ELOC: variants seen among roughly 807,000 people sequenced by gnomAD.
ELOC encodes the protein elongin-C.
For synonymous variants in ELOC, 40 were observed against 51.3 expected (o/e 0.78, Z 0.94); for missense variants, 38 against 139.0 (o/e 0.27, Z 3.65).
At chr8:73,968,675 A>G (rs1815156997) in intron 1 of ELOC, among the ~76,000 whole-genome samples, 1 of 152,154 alleles carries the variant, frequency 6.6e-6, no homozygotes, top group Non-Finnish European at 1.5e-5. Flanking sequence ...TGTCCTTCCT[A>G]CTAAAGGTCA....
At chr8:73,959,047 C>T (rs2131134535) in intron 2 of ELOC, among the ~76,000 whole-genome samples, 1 of 152,200 alleles carries the variant, frequency 6.6e-6, no homozygotes, top group East Asian at 1.9e-4. Flanking sequence ...AGAAAAGGTA[C>T]AGTAGAAATA....
rs1383263197 is a variant in ELOC, at chr8:73,945,148, C to T, written c.*1482G>A. 4 of 124,584 alleles carry T rather than the reference C, an allele frequency of 3.2e-5. No individual in the cohort carries two copies. Among genetic ancestry groups the T allele is most frequent in the East Asian group, 5.0e-4 (2 of 4,020 alleles). The allele number at this position is 124,584 out of a possible 1,614,324, so 7.7% of individuals were successfully genotyped here. A position where few individuals can be genotyped will look rare whatever the true frequency, so the allele number is the denominator to read the frequency against. ...TTTTTTTTTTTTTTTGAGACAGTCT[C>T]GCTCTGTCACCCAGGCTGGAGTGCA... On this transcript the variant is annotated 3_prime_UTR_variant, in exon 4 of 4. Coordinates refer to ENST00000520242, the MANE Select transcript of ELOC (RefSeq NM_005648.4).
At chr8:73,966,641 C>CTT (rs75407672) in intron 1 of ELOC, among the ~76,000 whole-genome samples, 611 of 137,878 alleles carry the variant, frequency 4.4e-3, no homozygotes, top group African/African-American at 0.015. Context: ...GCTAAAATTT[C>CTT]TTTTTTTTTT....
intron 3 of ELOC, among the ~76,000 whole-genome samples, chr8:73,955,133 A>G (rs1814070952): frequency 6.6e-6 from 1 of 152,080 alleles, no homozygotes; most frequent in Non-Finnish European, 1.5e-5. Flanking sequence ...CTGAAAACAG[A>G]ACATGGCAGA....
chr8:73,971,492 T>C (rs1417792671), intron 1 of ELOC, among the ~76,000 whole-genome samples: 1 of 152,156 alleles, frequency 6.6e-6, no homozygotes, highest in African/African-American at 2.4e-5. Flanking sequence ...TCCACAGTTA[T>C]ATGTTACTTA....
intron 1 of ELOC, among the ~76,000 whole-genome samples, chr8:73,964,124 T>G (rs1185001957): frequency 7.2e-6 from 1 of 138,916 alleles, no homozygotes; most frequent in African/African-American, 2.7e-5. Context: ...GTATTACATA[T>G]AGTAGTGTGG....
intron 1 of ELOC, among the ~76,000 whole-genome samples, chr8:73,969,180 TC>T: frequency 6.6e-6 from 1 of 152,302 alleles, no homozygotes; most frequent in East Asian, 1.9e-4. Flanking sequence ...ACTCAGTAAG[TC>T]CCATATAGAA....
At position 73,950,097 on chromosome 8, in the gene ELOC, TTTGGAGAAA is replaced by T. The variant is rs200281430; in HGVS notation, c.149-3286_149-3278del. Among the ~76,000 whole-genome samples the T allele has an allele frequency of 6.0e-3, 908 of 152,246 alleles. 12 individuals are homozygous for T. The highest frequency in any genetic ancestry group is 0.021 in the African/African-American group (863 of 41,528). On this transcript the variant is annotated intron_variant, in intron 3 of 3. Coordinates refer to ENST00000520242, the MANE Select transcript of ELOC (RefSeq NM_005648.4). ...CCATTTTCTACTAAAAACAGGGATT[TTTGGAGAAA>T]CAGCTGTTTTCGGGATCGGGGAACA...
At chr8:73,948,835 A>ACAAG (rs149713108) in intron 3 of ELOC, among the ~76,000 whole-genome samples, 9,449 of 150,340 alleles carry the variant, frequency 0.063, 314 homozygotes, top group African/African-American at 0.083. Context: ...CCTGTCACTC[A>ACAAG]CAAGCAAGCA....
intron 2 of ELOC, 44 bp from the exon 3 acceptor site, chr8:73,956,098 G>A (rs367968766): frequency 6.3e-7 from 1 of 1,578,752 alleles, no homozygotes; most frequent in Non-Finnish European, 8.7e-7. Context: ...GTCACACAGT[G>A]TACTAAAACT....
intron 1 of ELOC, among the ~76,000 whole-genome samples, chr8:73,962,487 T>C (rs1814670705): frequency 6.6e-6 from 1 of 152,162 alleles, no homozygotes; most frequent in African/African-American, 2.4e-5. Flanking sequence ...TGTCATTTTA[T>C]GATACTACGC....
intron 1 of ELOC, chr8:73,964,521 T>G (rs901946145): frequency 1.3e-5 from 2 of 152,144 alleles, no homozygotes; most frequent in Non-Finnish European, 1.5e-5. Flanking sequence ...AGCAGCCAGG[T>G]GCAGTGGCTC....
chr8:73,959,519 C>T (rs1207981534), intron 2 of ELOC, among the ~76,000 whole-genome samples: 1 of 152,194 alleles, frequency 6.6e-6, no homozygotes, highest in African/African-American at 2.4e-5. Flanking sequence ...ATCAAGATGT[C>T]ACCGTAGGCC....
intron 1 of ELOC, among the ~76,000 whole-genome samples, chr8:73,961,264 C>A (rs1229731822): frequency 6.6e-6 from 1 of 152,204 alleles, no homozygotes; most frequent in East Asian, 1.9e-4. Context: ...TCCTAACTAT[C>A]ATGCTCTAAG....
intron 3 of ELOC, among the ~76,000 whole-genome samples, chr8:73,950,515 TGCAAAAA>T (rs1813685486): frequency 6.6e-6 from 1 of 152,170 alleles, no homozygotes; most frequent in Non-Finnish European, 1.5e-5. Flanking sequence ...AGCTAATAAA[TGCAAAAA>T]ATTTTACAGA....
At chr8:73,965,496 C>T (rs1027162884) in intron 1 of ELOC, among the ~76,000 whole-genome samples, 1 of 152,146 alleles carries the variant, frequency 6.6e-6, no homozygotes, top group African/African-American at 2.4e-5. Context: ...TATAAAAATA[C>T]TACACTAAGT....
intron 3 of ELOC, among the ~76,000 whole-genome samples, chr8:73,952,029 A>T (rs1376812120): frequency 6.6e-6 from 1 of 152,214 alleles, no homozygotes; most frequent in Non-Finnish European, 1.5e-5. Flanking sequence ...AAAGACCTAA[A>T]TTTAAGAGCC....
At chr8:73,960,950 AT>A (rs1554595798) in intron 1 of ELOC, among the ~76,000 whole-genome samples, 1 of 31,054 alleles carries the variant, frequency 3.2e-5, no homozygotes, top group South Asian at 9.8e-4. Flanking sequence ...TATCTCTAAA[AT>A]AAATAAATAA....
At chr8:73,949,190 A>T (rs1327738999) in intron 3 of ELOC, among the ~76,000 whole-genome samples, 1 of 152,240 alleles carries the variant, frequency 6.6e-6, no homozygotes, top group Non-Finnish European at 1.5e-5. Flanking sequence ...TATATACAAA[A>T]TGCCTTTTAT....
Sources: allele counts gnomAD v4.1 joint callset (sites outside exome capture counted in the v4.1 genomes callset), GRCh38; gene constraint gnomAD v4.1.1; transcripts MANE v1.5; gene names NCBI Gene and HGNC (gene_info 2026-07-23, HGNC 2026-07-21).